Variants in TMTC3 observed in about 807,000 individuals in gnomAD.
The protein encoded by TMTC3 is protein O-mannosyl-transferase TMTC3.
TMTC3 carries 52 observed loss-of-function variants against 92.2 expected under a neutral mutation model. The ratio of observed to expected loss-of-function variants is 0.56; its 90% CI spans 0.45 to 0.71. The LOEUF is 0.71. Among genes scored for constraint, TMTC3 ranks in the 30% least tolerant of loss-of-function variants. The pLI is 0.00. For missense variants in TMTC3, 896 were observed against 1,057.1 expected (o/e 0.85, Z 2.11); for synonymous variants, 339 against 363.3 (o/e 0.93, Z 0.76).
At chr12:88,156,709 T>A (rs1469786847) in intron 4 of TMTC3, among the ~76,000 whole-genome samples, 4 of 151,230 alleles carry the variant, frequency 2.6e-5, no homozygotes, top group Non-Finnish European at 4.4e-5. Context: ...AAAAAAAAAT[T>A]CCCACTCTTG....
Position 88,199,615 on chromosome 12 carries a change from A to G in TMTC3, c.*3966A>G, listed in dbSNP as rs1222607232. ...ATGCTAACAAGTACATAGATAGCCT[A>G]AGATAAATTATACTTAGGATGAAGC... On this transcript the variant is annotated 3_prime_UTR_variant, in exon 14 of 14. Coordinates refer to ENST00000266712, the MANE Select transcript of TMTC3 (RefSeq NM_181783.4). The G allele has an allele frequency of 6.6e-6, 1 of 152,178 alleles. No individual in the cohort carries two copies. Among genetic ancestry groups the G allele is most frequent in the Non-Finnish European group, 1.5e-5 (1 of 68,020 alleles). The allele number at this position is 152,178 out of a possible 1,614,324, so 9.4% of individuals were successfully genotyped here.
rs374664124 is a variant in TMTC3, at chr12:88,188,899, A to G, written c.1489A>G (p.Lys497Glu). 8 of 1,599,112 alleles carry G rather than the reference A, an allele frequency of 5.0e-6. No homozygotes were observed. In the African/African-American group the frequency reaches 1.1e-4, roughly 22 times the overall value. Residue 497 changes from lysine to glutamate, a missense_variant, in exon 11 of 14, where the codon AAA becomes GAA. Lys to Glu is a moderately conservative substitution (Grantham distance 56). Transcript: ENST00000266712. ...AACTTATAAAAATTTAAATAGAACC[A>G]AAGAAGCTGAAGAATCTTACATGAT... ...GRTYKNLNRT[K>E]EAEESYMMAK...
intron 6 of TMTC3, among the ~76,000 whole-genome samples, chr12:88,162,945 G>A (rs2041097111): frequency 1.4e-5 from 2 of 143,376 alleles, no homozygotes; most frequent in African/African-American, 5.2e-5. Context: ...TTAGAGTTTC[G>A]CTTTTGTTGC....
At chr12:88,189,055 G>A in intron 11 of TMTC3, 109 bp downstream of exon 11, 1 of 642,734 alleles carries the variant, frequency 1.6e-6, no homozygotes, top group Non-Finnish European at 2.7e-6. Flanking sequence ...TGATATAAAA[G>A]TAAGTTTTAT....
At chr12:88,185,579 C>T (rs2041368091) in intron 10 of TMTC3, among the ~76,000 whole-genome samples, 1 of 152,066 alleles carries the variant, frequency 6.6e-6, no homozygotes, top group Admixed American at 6.6e-5. Flanking sequence ...TATATGTTTT[C>T]ATTTCTCTTA....
intron 4 of TMTC3, among the ~76,000 whole-genome samples, chr12:88,159,477 A>G (rs780068087): frequency 1.3e-5 from 2 of 152,136 alleles, no homozygotes; most frequent in Admixed American, 6.5e-5. Context: ...CCTGAGCAGC[A>G]TAGCAACACC....
At position 88,190,481 on chromosome 12, in the gene TMTC3, G is replaced by T. The variant is rs1451562946; in HGVS notation, c.1565G>T (p.Arg522Ile). The change falls in exon 12 of 14, where the codon AGA becomes ATA. Residue 522 changes from arginine to isoleucine, a missense_variant. Coordinates refer to ENST00000266712, the MANE Select transcript of TMTC3 (RefSeq NM_181783.4). ...ATTCCTGGTAAAAAATATGCAGCCA[G>T]AATTGCCCCTAACCACCTAAATGTT... ...QIIPGKKYAA[R>I]IAPNHLNVYI... is the part of the protein sequence containing the mutation. The T allele has an allele frequency of 6.2e-7, 1 of 1,613,638 alleles. No individual in the cohort carries two copies.
At chr12:88,166,039 G>A (rs2041139599) in intron 6 of TMTC3, among the ~76,000 whole-genome samples, 1 of 152,126 alleles carries the variant, frequency 6.6e-6, no homozygotes, top group Admixed American at 6.6e-5. Flanking sequence ...CTTTTGCAGT[G>A]TTGTAATATT....
At chr12:88,144,292 C>T (rs1466163378) in intron 1 of TMTC3, among the ~76,000 whole-genome samples, 1 of 152,100 alleles carries the variant, frequency 6.6e-6, no homozygotes, top group Non-Finnish European at 1.5e-5. Flanking sequence ...ATACCTCTGA[C>T]AATGGTAGGA....
At chr12:88,162,074 T>C (rs549221125) in intron 6 of TMTC3, among the ~76,000 whole-genome samples, 4 of 152,246 alleles carry the variant, frequency 2.6e-5, no homozygotes, top group African/African-American at 9.6e-5. Flanking sequence ...CACTTCTGAT[T>C]AAAAATATCA....
At chr12:88,154,985 G>A (rs918273766) in intron 4 of TMTC3, among the ~76,000 whole-genome samples, 3 of 152,268 alleles carry the variant, frequency 2.0e-5, no homozygotes, top group African/African-American at 4.8e-5. Flanking sequence ...TGGGGAAGGG[G>A]CAGATTTTCT....
At chr12:88,163,504 A>G (rs775519067) in intron 6 of TMTC3, among the ~76,000 whole-genome samples, 16 of 152,188 alleles carry the variant, frequency 1.1e-4, no homozygotes, top group Non-Finnish European at 2.2e-4. Flanking sequence ...GTTCCCTCAC[A>G]GTTCAAGAGG....
At chr12:88,185,620 C>T (rs1475370157) in intron 10 of TMTC3, among the ~76,000 whole-genome samples, 1 of 151,984 alleles carries the variant, frequency 6.6e-6, no homozygotes, top group Non-Finnish European at 1.5e-5. Flanking sequence ...ATGGCATGGT[C>T]ATATGATTTC....
rs1355688681 is a variant in TMTC3, at chr12:88,160,714, G to A, written c.660G>A (p.Gln220=). 6.2e-7 allele frequency: 1 copy of A among 1,613,550 alleles called. No homozygotes were observed. The highest frequency in any genetic ancestry group is 1.1e-5 in the South Asian group (1 of 91,004). ...TLPLLCTTAG[Q]FLRGKGSIPF... Reference sequence around the variant, plus strand: ...CATTACTATGTACTACTGCTGGACAGTTTCTCCGTGGAAAGGGTAGCATTC... The same window carrying A: ...CATTACTATGTACTACTGCTGGACAATTTCTCCGTGGAAAGGGTAGCATTC... Residue 220 remains glutamine, a synonymous_variant, in exon 6 of 14, where the codon CAG becomes CAA. Transcript: ENST00000266712.
rs1478564091 is a variant in TMTC3, at chr12:88,191,064, T to C, written c.1706+442T>C. ...TTGGTTCTCAGCAAAAAAAAAAGTT[T>C]TCTGGCACCACATGTTAAAACTTCA... On this transcript the variant is annotated intron_variant, in intron 12 of 13. Coordinates refer to ENST00000266712, the MANE Select transcript of TMTC3 (RefSeq NM_181783.4). Among the ~76,000 whole-genome samples the C allele has an allele frequency of 2.0e-5, 3 of 152,212 alleles. No homozygotes were observed. In the East Asian group the frequency reaches 5.8e-4, roughly 29 times the overall value.
intron 4 of TMTC3, among the ~76,000 whole-genome samples, chr12:88,154,816 A>G (rs1323506747): frequency 6.6e-6 from 1 of 152,172 alleles, no homozygotes; most frequent in Non-Finnish European, 1.5e-5. Context: ...GATCATAGCT[A>G]TTTATTGAGC....
At chr12:88,192,931 G>GCTATAAACTGTCAATACATAA in intron 13 of TMTC3, 101 bp downstream of exon 13, 1 of 931,286 alleles carries the variant, frequency 1.1e-6, no homozygotes, top group Non-Finnish European at 1.6e-6. Context: ...TTTATGTATT[G>GCTATAAACTGTCAATACATAA]ACAGTTTATA....
intron 1 of TMTC3, among the ~76,000 whole-genome samples, chr12:88,146,107 C>T (rs970922240): frequency 1.3e-5 from 2 of 152,098 alleles, no homozygotes; most frequent in African/African-American, 2.4e-5. Flanking sequence ...GTCAGGTCCC[C>T]GTCTGCCTAT....
chr12:88,197,951 T>C lies in TMTC3; in HGVS notation c.*2302T>C, dbSNP rs970874285. ...ATTTGTAGTCAGAGTTGAAGACCAC[T>C]GCTCTAAATTAGTGCAGGAAAATGC... is the stretch of plus-strand genomic sequence containing the variant. On this transcript the variant is annotated 3_prime_UTR_variant, in exon 14 of 14. Transcript: ENST00000266712. 1.2e-5 allele frequency: 2 copies of C among 162,296 alleles called. No homozygotes were observed. The highest frequency in any genetic ancestry group is 2.7e-5 in the Non-Finnish European group (2 of 74,998). 10.1% of individuals were successfully genotyped at this position (162,296 alleles called of 1,614,324 possible).
Sources: allele counts gnomAD v4.1 joint callset (sites outside exome capture counted in the v4.1 genomes callset), GRCh38; gene constraint gnomAD v4.1.1; transcripts MANE v1.5; gene names NCBI Gene and HGNC (gene_info 2026-07-23, HGNC 2026-07-21).